Variants in ATP9A observed in about 807,000 individuals in gnomAD.
ATP9A encodes ATPase phospholipid transporting 9A.
A neutral mutation model predicts 144.1 loss-of-function variants in ATP9A; 52 were observed. That is an observed-to-expected ratio of 0.36 (90% confidence interval 0.29 to 0.45). The LOEUF (loss-of-function observed/expected upper bound fraction) is 0.45. ATP9A is among the 20% of genes least tolerant of loss of function. ATP9A has a pLI of 1.00. For missense variants in ATP9A, 947 were observed against 1,392.7 expected (o/e 0.68, Z 5.09); for synonymous variants, 582 against 557.4 (o/e 1.04, Z -0.62).
At position 51,620,904 on chromosome 20, in the gene ATP9A, T is replaced by G. The variant is rs2077224212; in HGVS notation, c.2115+1170A>C. 2.6e-5 allele frequency among the ~76,000 whole-genome samples: 4 copies of G among 151,828 alleles called. No individual in the cohort carries two copies. The South Asian group carries it at 8.3e-4, about 32-fold the overall frequency. ...GGCTCACGCCTGTAATCCCAGCACTTTGGGAGGCTGAAGTGGGAGAATCAC... is the reference window on the plus strand; with the variant it reads ...GGCTCACGCCTGTAATCCCAGCACTGTGGGAGGCTGAAGTGGGAGAATCAC... On this transcript the variant is annotated intron_variant, in intron 19 of 27. Transcript: ENST00000338821.
At chr20:51,697,882 A>G (rs2077577455) in intron 4 of ATP9A, among the ~76,000 whole-genome samples, 1 of 152,224 alleles carries the variant, frequency 6.6e-6, no homozygotes, top group African/African-American at 2.4e-5. Flanking sequence ...AAGCTAACTA[A>G]TTCCAAATGA....
At chr20:51,724,036 T>A (rs953013637) in intron 3 of ATP9A, among the ~76,000 whole-genome samples, 2 of 151,748 alleles carry the variant, frequency 1.3e-5, no homozygotes, top group African/African-American at 2.4e-5. Flanking sequence ...CTGGGCACAG[T>A]GGCGGGCACC....
chr20:51,721,407 C>T (rs1158618255), intron 3 of ATP9A, among the ~76,000 whole-genome samples: 1 of 152,164 alleles, frequency 6.6e-6, no homozygotes, highest in Non-Finnish European at 1.5e-5. Flanking sequence ...GATTCCTGAG[C>T]CCAGGAGTTG....
At chr20:51,631,909 C>A (rs567761033) in intron 15 of ATP9A, among the ~76,000 whole-genome samples, 1 of 152,314 alleles carries the variant, frequency 6.6e-6, no homozygotes, top group South Asian at 2.1e-4. Context: ...GACATTCACA[C>A]AAGGAAATGG....
chr20:51,681,355 T>G (rs1310218531), intron 9 of ATP9A, among the ~76,000 whole-genome samples: 4 of 152,188 alleles, frequency 2.6e-5, no homozygotes, highest in African/African-American at 9.7e-5. Context: ...GCTCAACTGT[T>G]TTCCTTTTTA....
rs532433469 is a variant in ATP9A, at chr20:51,676,533, C to T, written c.800-325G>A. Reference sequence around the variant, plus strand: ...TACTCTTGTTCCCCAGGCTGGAATGCAATGGCGTGATCTCCGCTTACTGCA... The same window carrying T: ...TACTCTTGTTCCCCAGGCTGGAATGTAATGGCGTGATCTCCGCTTACTGCA... On this transcript the variant is annotated intron_variant, in intron 9 of 27. Transcript: ENST00000338821. Among the ~76,000 whole-genome samples, 253 of 152,290 alleles carry T rather than the reference C, an allele frequency of 1.7e-3. 2 individuals are homozygous for T. In the South Asian group the frequency reaches 0.018, roughly 11 times the overall value.
intron 13 of ATP9A, among the ~76,000 whole-genome samples, chr20:51,666,679 TAAA>T (rs11308492): frequency 3.7e-5 from 5 of 135,320 alleles, no homozygotes; most frequent in Non-Finnish European, 3.1e-5. Flanking sequence ...GACTGTGTCT[TAAA>T]AAAAAAAAAA....
intron 23 of ATP9A, 106 bp downstream of exon 23, chr20:51,613,571 A>G: frequency 4.0e-6 from 5 of 1,240,662 alleles, no homozygotes; most frequent in Non-Finnish European, 5.4e-6. Context: ...GGCTTTTTCC[A>G]TGATAATTAC....
intron 3 of ATP9A, among the ~76,000 whole-genome samples, chr20:51,725,411 C>G (rs1054902145): frequency 6.6e-6 from 1 of 152,126 alleles, no homozygotes; most frequent in Non-Finnish European, 1.5e-5. Context: ...CATGAGCCAC[C>G]GTGCCTGGCC....
chr20:51,767,712 C>G (rs1198067840), intron 1 of ATP9A, among the ~76,000 whole-genome samples: 2 of 152,152 alleles, frequency 1.3e-5, no homozygotes, highest in East Asian at 3.9e-4. Flanking sequence ...GAGACCCTCC[C>G]ACCCTCCTGC....
At chr20:51,761,620 C>T (rs1406932026) in intron 1 of ATP9A, among the ~76,000 whole-genome samples, 5 of 151,900 alleles carry the variant, frequency 3.3e-5, no homozygotes, top group Non-Finnish European at 1.5e-5. Flanking sequence ...ATTAGCCGAG[C>T]GTGGTGACAG....
At chr20:51,767,720 T>C (rs1252467830) in intron 1 of ATP9A, among the ~76,000 whole-genome samples, 1 of 152,052 alleles carries the variant, frequency 6.6e-6, no homozygotes, top group Non-Finnish European at 1.5e-5. Flanking sequence ...CCCACCCTCC[T>C]GCGACTGCTG....
chr20:51,732,765 A>G (rs2122878382), intron 1 of ATP9A, among the ~76,000 whole-genome samples: 1 of 152,068 alleles, frequency 6.6e-6, no homozygotes, highest in South Asian at 2.1e-4. Context: ...ATCAGTGGAC[A>G]CTCACTGAAT....
At chr20:51,678,507 G>A (rs1416300368) in intron 9 of ATP9A, among the ~76,000 whole-genome samples, 1 of 152,166 alleles carries the variant, frequency 6.6e-6, no homozygotes, top group East Asian at 1.9e-4. Context: ...GCACAATGCA[G>A]TTCCCTTCCA....
chr20:51,658,346 C>T (rs1267042589), intron 13 of ATP9A, among the ~76,000 whole-genome samples: 6 of 151,884 alleles, frequency 4.0e-5, no homozygotes, highest in East Asian at 1.9e-4. Context: ...CCCAGCTACT[C>T]GGGAGGCTGA....
intron 1 of ATP9A, among the ~76,000 whole-genome samples, chr20:51,759,692 A>C (rs1601149559): frequency 6.6e-6 from 1 of 152,070 alleles, no homozygotes; most frequent in Admixed American, 6.6e-5. Flanking sequence ...TAATAATAAT[A>C]AATAAAATTA....
chr20:51,716,549 A>G (rs937080138), intron 3 of ATP9A, among the ~76,000 whole-genome samples: 1 of 151,254 alleles, frequency 6.6e-6, no homozygotes, highest in Non-Finnish European at 1.5e-5. Flanking sequence ...GTTACTCAGG[A>G]GGCTGAGGCA....
Position 51,685,725 on chromosome 20 carries a change from G to A in ATP9A, c.799+3339C>T, listed in dbSNP as rs115807852. ...AAAAACTCAGGAAACAGCAGGTGAC[G>A]GAGAGGATGTGCAGAAACAGGAACA... On this transcript the variant is annotated intron_variant, in intron 9 of 27. Transcript: ENST00000338821. 9.7e-3 allele frequency among the ~76,000 whole-genome samples: 1,475 copies of A among 152,274 alleles called. 22 individuals carry two copies. The highest frequency in any genetic ancestry group is 0.033 in the African/African-American group (1,380 of 41,536).
In ATP9A at chr20:51,656,944, G is replaced by A. The variant is rs201102074; in HGVS notation, c.1500C>T (p.Pro500=). ...DSCRVYQASS[P]DEVALVQWTE... ...TGCACCTGCCCAGGTTTACCTCATC[G>A]GGGCTGGATGCCTGGTATACGCGGC... The change falls in exon 14 of 28, where the codon CCC becomes CCT. Residue 500 remains proline (P), a synonymous_variant. Coordinates refer to ENST00000338821, the MANE Select transcript of ATP9A (RefSeq NM_006045.3). 130 of 1,613,534 alleles carry A rather than the reference G, an allele frequency of 8.1e-5. No individual in the cohort carries two copies. The South Asian group carries it at 9.8e-4, about 12-fold the overall frequency.
Sources: gnomAD v4.1 joint callset for allele counts (sites outside exome capture counted in the v4.1 genomes callset) on GRCh38, gnomAD v4.1.1 for gene constraint, MANE v1.5 for transcripts, NCBI Gene and HGNC (gene_info 2026-07-23, HGNC 2026-07-21) for gene names.